Variants in CD163L1 observed in about 807,000 individuals in gnomAD.
The protein encoded by CD163L1 is CD163 molecule like 1.
Under a neutral mutation model 165.4 loss-of-function variants are expected in CD163L1, and 124 were observed. That is an observed-to-expected ratio of 0.75 (90% CI 0.65 to 0.87). The LOEUF (loss-of-function observed/expected upper bound fraction) is 0.87, where lower values mean the gene tolerates loss of function less well. Among genes scored for constraint, CD163L1 ranks in the 40% least tolerant of loss-of-function variants. CD163L1 has a pLI of 0.00. For missense variants in CD163L1, 1,525 were observed against 1,799.9 expected, an observed-to-expected ratio of 0.85 and a Z score of 2.76; for synonymous variants, 585 against 662.2, an observed-to-expected ratio of 0.88 and a Z score of 1.79.
chr12:7,322,636 A>G, the CD163L1 span: 1 of 1,455,828 alleles, frequency 6.9e-7, no homozygotes, highest in South Asian at 1.4e-5. Flanking sequence ...TCCCACTGTA[A>G]ATTTTTATAG....
At chr12:7,323,247 C>G in the CD163L1 span, 1 of 1,608,750 alleles carries the variant, frequency 6.2e-7, no homozygotes. Context: ...ATGATTTGTG[C>G]CAATCAGAAA....
chr12:7,427,634 C>T (rs1196905051), intron 4 of CD163L1, among the ~76,000 whole-genome samples: 1 of 151,970 alleles, frequency 6.6e-6, no homozygotes, highest in Non-Finnish European at 1.5e-5. Context: ...TAAATACGTA[C>T]AGCTTTTTAC....
chr12:7,321,257 A>AT, the CD163L1 span, among the ~76,000 whole-genome samples: 1 of 152,222 alleles, frequency 6.6e-6, no homozygotes, highest in Non-Finnish European at 1.5e-5. Flanking sequence ...AGAAAAGCAC[A>AT]TTTATACTGC....
chr12:7,337,611 A>C, the CD163L1 span, among the ~76,000 whole-genome samples: 6 of 152,240 alleles, frequency 3.9e-5, 1 homozygote, highest in Admixed American at 2.6e-4. Context: ...TCAAAACCAC[A>C]ATGAGATACC....
chr12:7,396,494 C>T lies in CD163L1; in HGVS notation c.1730-79G>A, dbSNP rs113851943. 553 of 1,376,250 alleles carry T rather than the reference C, an allele frequency of 4.0e-4. 4 individuals carry two copies. The Middle Eastern group carries it at 5.4e-3, about 13-fold the overall frequency. 85.3% of individuals were successfully genotyped at this position (1,376,250 alleles called of 1,614,324 possible). A position where few individuals can be genotyped will look rare whatever the true frequency, so the allele number is the denominator to read the frequency against. ...ATGTCAACTTGGCTGGACTATGATACCCAGTTATTTGGTCAAACACCAGTC... is the reference window on the plus strand; with the variant it reads ...ATGTCAACTTGGCTGGACTATGATATCCAGTTATTTGGTCAAACACCAGTC... On this transcript the variant is annotated intron_variant, in intron 7 of 19. Transcript: ENST00000313599.
chr12:7,428,358 T>C lies in CD163L1; in HGVS notation c.766+4058A>G, dbSNP rs866495762. On this transcript the variant is annotated intron_variant, in intron 4 of 19. Coordinates refer to ENST00000313599, the MANE Select transcript of CD163L1 (RefSeq NM_174941.6). ...TTCAGTGTTCTTTAGATGGCATGTA[T>C]TCATATCGTTTGCCCAGTAGATTAC... 2.6e-4 allele frequency among the ~76,000 whole-genome samples: 39 copies of C among 152,224 alleles called. No homozygotes were observed. In the Middle Eastern group the frequency reaches 0.017, roughly 66 times the overall value.
intron 4 of CD163L1, among the ~76,000 whole-genome samples, chr12:7,349,051 A>C (rs1231006539): frequency 6.6e-6 from 1 of 152,020 alleles, no homozygotes; most frequent in Non-Finnish European, 1.5e-5. Context: ...TGGTTAGCTA[A>C]ACTGGGATGG....
At chr12:7,427,088 T>C (rs1948557097) in intron 4 of CD163L1, among the ~76,000 whole-genome samples, 1 of 152,104 alleles carries the variant, frequency 6.6e-6, no homozygotes, top group Non-Finnish European at 1.5e-5. Flanking sequence ...GGAGAAATAG[T>C]AATACGTAAT....
At chr12:7,335,131 G>GA in the CD163L1 span, among the ~76,000 whole-genome samples, 4 of 152,160 alleles carry the variant, frequency 2.6e-5, no homozygotes, top group Admixed American at 1.3e-4. Context: ...CACGGAATTG[G>GA]AAAAAACTAC....
At chr12:7,413,967 G>A (rs185743357) in intron 4 of CD163L1, among the ~76,000 whole-genome samples, 25 of 152,216 alleles carry the variant, frequency 1.6e-4, no homozygotes, top group Admixed American at 1.4e-3. Context: ...GCTGAGTGGT[G>A]AAGGTTCATT....
At chr12:7,382,772 A>G (rs1947438549) in intron 8 of CD163L1, among the ~76,000 whole-genome samples, 1 of 152,168 alleles carries the variant, frequency 6.6e-6, no homozygotes, top group Non-Finnish European at 1.5e-5. Context: ...AGCTCCCACA[A>G]GATTGCATCC....
chr12:7,325,036 T>C, the CD163L1 span, among the ~76,000 whole-genome samples: 1 of 152,148 alleles, frequency 6.6e-6, no homozygotes, highest in Non-Finnish European at 1.5e-5. Context: ...CCTCCACCCC[T>C]TCAGGGAAGG....
intron 4 of CD163L1, among the ~76,000 whole-genome samples, chr12:7,430,349 A>ACTGGCTGTCTCTTACT (rs1308276504): frequency 6.6e-6 from 1 of 152,210 alleles, no homozygotes; most frequent in African/African-American, 2.4e-5. Context: ...TCAGCCAGTA[A>ACTGGCTGTCTCTTACT]GAGACAGATC....
intron 9 of CD163L1, among the ~76,000 whole-genome samples, chr12:7,376,471 C>G (rs1310176031): frequency 1.3e-5 from 2 of 152,158 alleles, no homozygotes; most frequent in African/African-American, 4.8e-5. Context: ...AGCAAAGCTA[C>G]TTATATTAGT....
chr12:7,343,077 G>A (rs1946648063), downstream of CD163L1, among the ~76,000 whole-genome samples: 2 of 152,194 alleles, frequency 1.3e-5, no homozygotes, highest in Admixed American at 6.5e-5. Flanking sequence ...ATACATTAGA[G>A]GATATTAGGG....
chr12:7,322,566 T>G, the CD163L1 span: 1 of 1,603,040 alleles, frequency 6.2e-7, no homozygotes, highest in Non-Finnish European at 8.5e-7. Context: ...CATTTATGTT[T>G]AGTATATGTG....
Position 7,398,329 on chromosome 12 carries a change from C to T in CD163L1, c.1664G>A (p.Cys555Tyr), listed in dbSNP as rs1160803790. Residue 555 changes from cysteine (C) to tyrosine (Y), a missense_variant, in exon 7 of 20, where the codon TGT becomes TAT. Transcript: ENST00000313599. The surrounding 1 kb of genome is among the most constrained non-coding windows in gnomAD (Gnocchi z 4.5). ...ATGCTTTCCCCATCCACTGTGTTCA[C>T]AGTCCCAGATATTTGACTCATTTCC... ...CIGNESNIWD[C>Y]EHSGWGKHNC... 1 of 1,614,222 alleles carries T rather than the reference C, an allele frequency of 6.2e-7. No individual in the cohort carries two copies. Among genetic ancestry groups the T allele is most frequent in the African/African-American group, 1.3e-5 (1 of 75,078 alleles).
chr12:7,337,961 T>C, the CD163L1 span, among the ~76,000 whole-genome samples: 3 of 152,302 alleles, frequency 2.0e-5, no homozygotes, highest in Middle Eastern at 3.4e-3. Flanking sequence ...GTGGCACATA[T>C]ACACCATGGA....
chr12:7,389,018 T>C (rs1947585641), intron 8 of CD163L1, among the ~76,000 whole-genome samples: 1 of 152,224 alleles, frequency 6.6e-6, no homozygotes, highest in South Asian at 2.1e-4. Context: ...GATGGACACT[T>C]AGATTGCTTC....
Sources: gnomAD v4.1 joint callset for allele counts (sites outside exome capture counted in the v4.1 genomes callset) on GRCh38, gnomAD v4.1.1 for gene constraint, Gnocchi (gnomAD v3.1) non-coding constraint, MANE v1.5 for transcripts, NCBI Gene and HGNC (gene_info 2026-07-23, HGNC 2026-07-21) for gene names.